The following PTP4A2 variants were observed in gnomAD, a reference collection of about 807,000 sequenced individuals.
PTP4A2 encodes protein tyrosine phosphatase type IVA 2.
A neutral mutation model predicts 22.9 loss-of-function variants in PTP4A2; 2 were observed. That is an observed-to-expected ratio of 0.09 (90% CI 0.04 to 0.27). The LOEUF (loss-of-function observed/expected upper bound fraction) is 0.27, where lower values mean the gene tolerates loss of function less well. PTP4A2 is among the 10% of genes least tolerant of loss of function. The probability of loss-of-function intolerance (pLI) is 1.00; values close to 1 mark genes in which losing one functional copy is unlikely to be tolerated. For missense variants in PTP4A2, 103 were observed against 205.1 expected (o/e 0.50, Z 3.04); for synonymous variants, 68 against 69.1 (o/e 0.98, Z 0.08).
At chr1:31,928,932 C>G (rs901874235) in intron 1 of PTP4A2, among the ~76,000 whole-genome samples, 1 of 152,104 alleles carries the variant, frequency 6.6e-6, no homozygotes, top group Admixed American at 6.6e-5. Context: ...AGTCAACAAT[C>G]GCACCTGCTT....
At chr1:31,936,234 T>C (rs1328349692) in intron 1 of PTP4A2, among the ~76,000 whole-genome samples, 1 of 151,550 alleles carries the variant, frequency 6.6e-6, no homozygotes, top group African/African-American at 2.4e-5. Flanking sequence ...AGGTCAGGAG[T>C]TCGAGACCAG....
chr1:31,933,973 T>C (rs1427112726), intron 1 of PTP4A2: 1 of 152,162 alleles, frequency 6.6e-6, no homozygotes, highest in East Asian at 1.9e-4. Context: ...AAACTATGGA[T>C]CCTGGGCCGC....
intron 3 of PTP4A2, 120 bp from the exon 4 acceptor site, chr1:31,911,946 C>T: frequency 1.8e-6 from 1 of 549,424 alleles, no homozygotes; most frequent in Non-Finnish European, 3.0e-6. Flanking sequence ...ACTATATATA[C>T]CTATTGTTAA....
chr1:31,922,290 C>G (rs913208609), intron 1 of PTP4A2, among the ~76,000 whole-genome samples: 2 of 152,200 alleles, frequency 1.3e-5, no homozygotes, highest in East Asian at 3.8e-4. Flanking sequence ...TCAAGACCAG[C>G]CTGATCAACA....
chr1:31,913,716 T>C (rs1651668717), intron 3 of PTP4A2: 1 of 436,322 alleles, frequency 2.3e-6, no homozygotes. Context: ...GAATAAATCT[T>C]AGGCCTACCA....
Position 31,915,991 on chromosome 1 carries a change from T to TAA in PTP4A2, c.97-6_97-5dup, listed in dbSNP as rs761491536. On this transcript the variant is annotated splice_polypyrimidine_tract_variant and splice_region_variant and intron_variant, in intron 2 of 5. Coordinates refer to ENST00000647444, the MANE Select transcript of PTP4A2 (RefSeq NM_080391.4). ...TCACTCCATACTTCTTAAGTTCCTT[T>TAA]AAAAAAAAAAAAAATTATAATGGAA... 4.2e-4 allele frequency: 501 copies of TAA among 1,195,298 alleles called. No individual in the cohort carries two copies. Among genetic ancestry groups the TAA allele is most frequent in the Non-Finnish European group, 4.9e-4 (425 of 873,410 alleles). 74.0% of individuals were successfully genotyped at this position (1,195,298 alleles called of 1,614,324 possible). A position where few individuals can be genotyped will look rare whatever the true frequency, so the allele number is the denominator to read the frequency against.
At chr1:31,914,239 G>A in intron 3 of PTP4A2, 1 of 455,328 alleles carries the variant, frequency 2.2e-6, no homozygotes, top group Non-Finnish European at 4.4e-6. Flanking sequence ...GCTAATTTTT[G>A]TATTTTTCGG....
intron 2 of PTP4A2, among the ~76,000 whole-genome samples, chr1:31,917,255 A>G (rs976503907): frequency 2.6e-5 from 4 of 152,250 alleles, no homozygotes; most frequent in Non-Finnish European, 4.4e-5. Flanking sequence ...CTGTGTATAC[A>G]AAGTTAAGAA....
intron 1 of PTP4A2, among the ~76,000 whole-genome samples, chr1:31,920,126 CAAAAAAAAAAA>C (rs772173962): frequency 2.3e-5 from 1 of 43,148 alleles, no homozygotes; most frequent in Non-Finnish European, 4.3e-5. Flanking sequence ...AACTCTGCCT[CAAAAAAAAAAA>C]AAAAAAAAAA....
rs182076437 is a variant in PTP4A2, at chr1:31,920,061, G to A, written c.-593-403C>T. ...GAATCGCTTGAACCCGGGAGGTAGAGGTTGTGATGAGCCAAGATGGCACCA... is the reference window on the plus strand; with the variant it reads ...GAATCGCTTGAACCCGGGAGGTAGAAGTTGTGATGAGCCAAGATGGCACCA... On this transcript the variant is annotated intron_variant, in intron 1 of 5. Transcript: ENST00000647444. Among the ~76,000 whole-genome samples the A allele has an allele frequency of 1.3e-4, 19 of 146,698 alleles. No homozygotes were observed. The East Asian group carries it at 2.5e-3, about 19-fold the overall frequency.
At chr1:31,937,110 G>C (rs941822970) in intron 1 of PTP4A2, among the ~76,000 whole-genome samples, 1 of 152,088 alleles carries the variant, frequency 6.6e-6, no homozygotes, top group Non-Finnish European at 1.5e-5. Context: ...GTAGGATTTT[G>C]GGCAACAGAC....
At chr1:31,924,773 G>A (rs1418031332) in intron 1 of PTP4A2, among the ~76,000 whole-genome samples, 1 of 152,098 alleles carries the variant, frequency 6.6e-6, no homozygotes, top group African/African-American at 2.4e-5. Flanking sequence ...TGTTGAATTT[G>A]GGATATTTCC....
At chr1:31,935,296 G>GA (rs1171717947) in intron 1 of PTP4A2, among the ~76,000 whole-genome samples, 1 of 152,138 alleles carries the variant, frequency 6.6e-6, no homozygotes, top group East Asian at 1.9e-4. Context: ...GGGGCCCCAA[G>GA]AGAGTTTCAA....
chr1:31,914,995 A>G (rs1651748809), intron 3 of PTP4A2, among the ~76,000 whole-genome samples: 1 of 152,184 alleles, frequency 6.6e-6, no homozygotes, highest in Non-Finnish European at 1.5e-5. Context: ...TTTGCCTCCT[A>G]CAAGTTATCC....
chr1:31,920,184 C>T (rs1652067320), intron 1 of PTP4A2, among the ~76,000 whole-genome samples: 1 of 148,660 alleles, frequency 6.7e-6, no homozygotes, highest in Non-Finnish European at 1.5e-5. Context: ...TGGCTGATGC[C>T]TGTAATCCTA....
chr1:31,908,138 TATTATATATATATATATATATA>T lies in PTP4A2; in HGVS notation c.*692_*713del, dbSNP rs1651299926. Reference sequence around the variant, plus strand: ...AATATATATATATATATATATATTATATTATATATATATATATATATATATATATATATATATATATATATAT... The same window carrying T: ...AATATATATATATATATATATATTATTATATATATATATATATATATATAT... On this transcript the variant is annotated 3_prime_UTR_variant, in exon 6 of 6. Coordinates refer to ENST00000647444, the MANE Select transcript of PTP4A2 (RefSeq NM_080391.4). 5 of 420 alleles carry T rather than the reference TATTATATATATATATATATATA, an allele frequency of 0.012. No individual in the cohort carries two copies. Among genetic ancestry groups the T allele is most frequent in the Admixed American group, 0.022 (1 of 46 alleles). The allele number at this position is 420 out of a possible 1,614,324, so 0.0% of individuals were successfully genotyped here.
chr1:31,909,126 T>C (rs990280067), intron 5 of PTP4A2, among the ~76,000 whole-genome samples, 166 bp from the exon 6 acceptor site: 3 of 152,190 alleles, frequency 2.0e-5, no homozygotes, highest in Admixed American at 2.0e-4. Context: ...ACATGAACTT[T>C]CTAAGCCCTC....
chr1:31,936,745 G>C (rs1652949623), intron 1 of PTP4A2, among the ~76,000 whole-genome samples: 1 of 152,156 alleles, frequency 6.6e-6, no homozygotes, highest in Admixed American at 6.5e-5. Flanking sequence ...GCTGGCAAGT[G>C]ATTCTGAAGC....
chr1:31,911,667 C>CA, intron 4 of PTP4A2, 29 bp downstream of exon 4: 2 of 1,530,900 alleles, frequency 1.3e-6, no homozygotes, highest in Non-Finnish European at 1.8e-6. Context: ...TGAATTCAGA[C>CA]AAAAAGGGTA....
Sources: allele counts gnomAD v4.1 joint callset (sites outside exome capture counted in the v4.1 genomes callset), GRCh38; gene constraint gnomAD v4.1.1; transcripts MANE v1.5; gene names NCBI Gene and HGNC (gene_info 2026-07-23, HGNC 2026-07-21).